Variants in HDAC9 observed in about 807,000 individuals in gnomAD.
The protein encoded by HDAC9 is MEF-2 interacting transcription repressor (MITR) protein.
In HDAC9, 41 loss-of-function variants were observed where a neutral mutation model predicts 139.4. That is an observed-to-expected ratio of 0.29 (90% CI 0.23 to 0.38). The LOEUF (loss-of-function observed/expected upper bound fraction) is 0.38. Ranked by LOEUF, HDAC9 falls within the 10% of genes least tolerant of loss-of-function variation. HDAC9 has a pLI of 1.00. For synonymous variants in HDAC9, 517 were observed against 476.2 expected (o/e 1.09, Z -1.12); for missense variants, 1,147 against 1,297.0 (o/e 0.88, Z 1.78).
intron 1 of HDAC9, among the ~76,000 whole-genome samples, chr7:18,296,683 GA>G (rs1189817781): frequency 6.6e-6 from 1 of 152,098 alleles, no homozygotes; most frequent in Non-Finnish European, 1.5e-5. Context: ...GAGAGCCATG[GA>G]AAAAATAAAA....
At chr7:18,211,217 C>G (rs1791914209) in intron 2 of HDAC9, among the ~76,000 whole-genome samples, 1 of 152,188 alleles carries the variant, frequency 6.6e-6, no homozygotes, top group Non-Finnish European at 1.5e-5. Flanking sequence ...AGCTGTGCTT[C>G]CATACCTTTG....
chr7:18,667,500 A>G (rs555174168), intron 12 of HDAC9: 125 of 984,600 alleles, frequency 1.3e-4, no homozygotes, highest in Middle Eastern at 5.2e-4. Context: ...CTTGTATATA[A>G]TGCACCTTCA....
chr7:18,712,413 A>G (rs1038257382), intron 12 of HDAC9, among the ~76,000 whole-genome samples: 11 of 152,220 alleles, frequency 7.2e-5, no homozygotes, highest in African/African-American at 2.7e-4. Flanking sequence ...GTAGAATGCC[A>G]TAGTCACTTA....
At position 18,410,789 on chromosome 7, in the gene HDAC9, A is replaced by C. The variant is rs1365890; in HGVS notation, c.-41-85473A>C. The stretch of plus-strand genomic sequence containing the variant: ...AAGGTGGGAATAGAGACTTTTATAA[A>C]AGTTTCTGCCTAAATATTTTTTTAA... On this transcript the variant is annotated intron_variant, in intron 1 of 3. Transcript: ENST00000413509. Among the ~76,000 whole-genome samples, 3 of 152,018 alleles carry C rather than the reference A, an allele frequency of 2.0e-5. No individual in the cohort carries two copies. In the East Asian group the frequency reaches 5.8e-4, roughly 29 times the overall value.
intron 2 of HDAC9, among the ~76,000 whole-genome samples, chr7:18,220,111 A>T (rs982295304): frequency 6.6e-6 from 1 of 152,084 alleles, no homozygotes; most frequent in African/African-American, 2.4e-5. Context: ...TACTATTCTT[A>T]ACATAAGTAG....
chr7:18,392,621 G>C (rs1186693946), intron 1 of HDAC9, among the ~76,000 whole-genome samples: 1 of 151,968 alleles, frequency 6.6e-6, no homozygotes, highest in African/African-American at 2.4e-5. Flanking sequence ...CCAGAGAATG[G>C]TAAGAGATTG....
In HDAC9 at chr7:18,594,340, C is replaced by T. The variant is rs113617126; in HGVS notation, c.664+311C>T. Among the ~76,000 whole-genome samples the T allele has an allele frequency of 3.9e-5, 6 of 152,136 alleles. 1 individual carries two copies. The highest frequency in any genetic ancestry group is 1.4e-4 in the African/African-American group (6 of 41,526). Reference sequence around the variant, plus strand: ...TATCTCGGAAAATCTAACTCTTCTCCATTAGATAGGGCCTCTGTAATATCT... The same window carrying T: ...TATCTCGGAAAATCTAACTCTTCTCTATTAGATAGGGCCTCTGTAATATCT... On this transcript the variant is annotated intron_variant, in intron 6 of 25. Transcript: ENST00000686413.
chr7:18,095,615 C>T (rs562113235), intron 1 of HDAC9, among the ~76,000 whole-genome samples: 1 of 152,268 alleles, frequency 6.6e-6, no homozygotes, highest in African/African-American at 2.4e-5. Context: ...TTGACTAAGA[C>T]TACAGGTCTG....
intron 17 of HDAC9, among the ~76,000 whole-genome samples, chr7:18,823,066 A>T (rs1251305735): frequency 6.6e-6 from 1 of 152,182 alleles, no homozygotes; most frequent in African/African-American, 2.4e-5. Context: ...CAGGCTATCA[A>T]AGAGGGAGAG....
rs545805553 is a variant in HDAC9, at chr7:18,168,656, A to G, written c.25+6307A>G. Among the ~76,000 whole-genome samples, 8 of 151,912 alleles carry G rather than the reference A, an allele frequency of 5.3e-5. No individual in the cohort carries two copies. In the South Asian group the frequency reaches 8.3e-4, roughly 16 times the overall value. On this transcript the variant is annotated intron_variant, in intron 2 of 12. Coordinates refer to the HDAC9 transcript ENST00000417496. ...CTAGGGAAACACAAAGGTATGTGGAACCATGTAACCTGTACTTTTACACTA... is the reference window on the plus strand; with the variant it reads ...CTAGGGAAACACAAAGGTATGTGGAGCCATGTAACCTGTACTTTTACACTA...
At position 18,668,919 on chromosome 7, in the gene HDAC9, A is replaced by G. The variant is rs186021052; in HGVS notation, c.1731+2443A>G. The G allele has an allele frequency of 8.5e-4, 830 of 978,128 alleles. 1 individual carries two copies. The highest frequency in any genetic ancestry group is 9.6e-4 in the Non-Finnish European group (792 of 824,236). 60.6% of individuals were successfully genotyped at this position (978,128 alleles called of 1,614,324 possible). ...TTGAAGCTTGCACACTAGATCTCATATATCAAAATACATTGCCAGTCTTTG... is the reference window on the plus strand; with the variant it reads ...TTGAAGCTTGCACACTAGATCTCATGTATCAAAATACATTGCCAGTCTTTG... On this transcript the variant is annotated intron_variant, in intron 12 of 25. Coordinates refer to ENST00000686413, the MANE Select transcript of HDAC9 (RefSeq NM_178425.4).
In HDAC9 at chr7:18,495,828, C is replaced by A. The variant is rs757823645; in HGVS notation, c.-237C>A. Reference sequence around the variant, plus strand: ...GACTGAGGGTTTTTGCAACAAAACCCTAGCAGCCTGAAGAACTCTAAGCCA... The same window carrying A: ...GACTGAGGGTTTTTGCAACAAAACCATAGCAGCCTGAAGAACTCTAAGCCA... On this transcript the variant is annotated 5_prime_UTR_variant, in exon 1 of 26. Transcript: ENST00000686413. 2.5e-5 allele frequency: 26 copies of A among 1,025,878 alleles called. No individual in the cohort carries two copies. Among genetic ancestry groups the A allele is most frequent in the Middle Eastern group, 4.5e-4 (1 of 2,210 alleles). 63.5% of individuals were successfully genotyped at this position (1,025,878 alleles called of 1,614,324 possible). A position where few individuals can be genotyped will look rare whatever the true frequency, so the allele number is the denominator to read the frequency against.
chr7:18,931,089 G>A (rs1804699600), intron 22 of HDAC9, among the ~76,000 whole-genome samples: 1 of 152,034 alleles, frequency 6.6e-6, no homozygotes, highest in Non-Finnish European at 1.5e-5. Flanking sequence ...CCTGGTTTAG[G>A]TTACAGAAAA....
At chr7:18,664,626 C>T (rs920125208) in intron 11 of HDAC9, among the ~76,000 whole-genome samples, 1 of 152,024 alleles carries the variant, frequency 6.6e-6, no homozygotes, top group Non-Finnish European at 1.5e-5. Flanking sequence ...CCCTTATTTC[C>T]GCCCCTGCTT....
At chr7:18,895,038 C>G (rs1801053022) in intron 22 of HDAC9, among the ~76,000 whole-genome samples, 1 of 151,942 alleles carries the variant, frequency 6.6e-6, no homozygotes, top group South Asian at 2.1e-4. Context: ...ATTTTGGAGG[C>G]TTGAAAACAT....
In HDAC9 at chr7:18,621,379, A is replaced by C. The variant is rs1198955599; in HGVS notation, c.665-7971A>C. Among the ~76,000 whole-genome samples, 3 of 152,158 alleles carry C rather than the reference A, an allele frequency of 2.0e-5. No individual in the cohort carries two copies. The East Asian group carries it at 5.8e-4, about 29-fold the overall frequency. On this transcript the variant is annotated intron_variant, in intron 6 of 25. Coordinates refer to ENST00000686413, the MANE Select transcript of HDAC9 (RefSeq NM_178425.4). ...CTTACATAATCGGAAGCAAGCAATA[A>C]AATTTATTATAAAATTAGCACTTTT...
chr7:18,646,042 A>C (rs1056577120), intron 9 of HDAC9, among the ~76,000 whole-genome samples: 2 of 152,208 alleles, frequency 1.3e-5, no homozygotes, highest in African/African-American at 4.8e-5. Context: ...ATTCCACATG[A>C]AACATTTGTA....
chr7:18,295,287 A>C (rs762607845), intron 1 of HDAC9, among the ~76,000 whole-genome samples: 1 of 152,158 alleles, frequency 6.6e-6, no homozygotes, highest in African/African-American at 2.4e-5. Flanking sequence ...TAAGGAAAAC[A>C]AAAGAAAATA....
chr7:18,791,782 T>C (rs958448127), intron 16 of HDAC9, among the ~76,000 whole-genome samples: 1 of 152,230 alleles, frequency 6.6e-6, no homozygotes, highest in African/African-American at 2.4e-5. Context: ...GCCTCTACTA[T>C]GTGCCAGGCT....
Sources: allele counts gnomAD v4.1 joint callset (sites outside exome capture counted in the v4.1 genomes callset), GRCh38; gene constraint gnomAD v4.1.1; transcripts MANE v1.5; gene names NCBI Gene and HGNC (gene_info 2026-07-23, HGNC 2026-07-21).